ARIH1: variants seen among roughly 807,000 people sequenced by gnomAD.
ARIH1 encodes the protein ariadne RBR E3 ubiquitin protein ligase 1.
ARIH1 carries 8 observed loss-of-function variants against 85.0 expected under a neutral mutation model. That is an observed-to-expected ratio of 0.09 (90% confidence interval 0.06 to 0.17). ARIH1 has a LOEUF of 0.17. Among genes scored for constraint, ARIH1 ranks in the 10% least tolerant of loss-of-function variants. The pLI, the probability that ARIH1 is intolerant of heterozygous loss-of-function variation, is 1.00. For synonymous variants in ARIH1, 238 were observed against 253.6 expected (o/e 0.94, Z 0.59); for missense variants, 311 against 718.1 (o/e 0.43, Z 6.48).
At chr15:72,537,434 T>C (rs2064087453) in intron 2 of ARIH1, among the ~76,000 whole-genome samples, 1 of 152,140 alleles carries the variant, frequency 6.6e-6, no homozygotes, top group Non-Finnish European at 1.5e-5. Context: ...AAAATAGTGC[T>C]CCAAACCCTC....
chr15:72,549,562 C>T (rs1257609811), intron 3 of ARIH1, among the ~76,000 whole-genome samples: 1 of 152,124 alleles, frequency 6.6e-6, no homozygotes, highest in Non-Finnish European at 1.5e-5. Context: ...ATACCTACGT[C>T]CCACCCTATT....
chr15:72,509,707 AG>A (rs1228148952), intron 1 of ARIH1, among the ~76,000 whole-genome samples: 1 of 152,108 alleles, frequency 6.6e-6, no homozygotes, highest in Non-Finnish European at 1.5e-5. Flanking sequence ...TACTCACCTC[AG>A]TCTCTAGAGT....
At chr15:72,577,787 G>T (rs1316393696) in intron 11 of ARIH1, among the ~76,000 whole-genome samples, 2 of 152,186 alleles carry the variant, frequency 1.3e-5, no homozygotes, top group African/African-American at 4.8e-5. Flanking sequence ...TCAGGTGGCA[G>T]AGGTAGAGGA....
chr15:72,571,769 A>G (rs964497279), intron 10 of ARIH1, among the ~76,000 whole-genome samples: 3 of 152,230 alleles, frequency 2.0e-5, no homozygotes, highest in East Asian at 1.9e-4. Context: ...CAGACAGTCA[A>G]TAAAGGTTCT....
intron 2 of ARIH1, among the ~76,000 whole-genome samples, chr15:72,523,701 T>C (rs879745028): frequency 3.3e-5 from 5 of 152,126 alleles, no homozygotes; most frequent in Non-Finnish European, 7.4e-5. Context: ...TGTACCACTC[T>C]GTGTTGTTGA....
chr15:72,530,206 A>G (rs149878104), intron 2 of ARIH1, among the ~76,000 whole-genome samples: 231 of 152,340 alleles, frequency 1.5e-3, no homozygotes, highest in African/African-American at 5.4e-3. Context: ...ATACTGAAAC[A>G]TGTTTGAAAA....
At chr15:72,572,987 G>A (rs1595873488) in intron 11 of ARIH1, among the ~76,000 whole-genome samples, 1 of 152,054 alleles carries the variant, frequency 6.6e-6, no homozygotes, top group Non-Finnish European at 1.5e-5. Flanking sequence ...CTTTCAGTCT[G>A]GTGATTTTAT....
At chr15:72,574,491 C>T (rs1260889879) in intron 11 of ARIH1, among the ~76,000 whole-genome samples, 2 of 152,180 alleles carry the variant, frequency 1.3e-5, no homozygotes, top group African/African-American at 4.8e-5. Flanking sequence ...GACACATATT[C>T]AAAAGATCCT....
intron 2 of ARIH1, among the ~76,000 whole-genome samples, chr15:72,528,634 G>A (rs917300332): frequency 6.6e-5 from 10 of 152,026 alleles, no homozygotes; most frequent in Admixed American, 2.6e-4. Context: ...CAGGAAGATC[G>A]CTTGAGCGTA....
intron 1 of ARIH1, among the ~76,000 whole-genome samples, chr15:72,499,835 A>T (rs1351588160): frequency 6.6e-6 from 1 of 152,086 alleles, no homozygotes; most frequent in Non-Finnish European, 1.5e-5. Flanking sequence ...GGAGCCTCTG[A>T]TTCTTAGATA....
chr15:72,574,339 AT>A (rs1254802842), intron 11 of ARIH1, among the ~76,000 whole-genome samples: 1 of 152,168 alleles, frequency 6.6e-6, no homozygotes, highest in East Asian at 1.9e-4. Flanking sequence ...TGTTTGGTTG[AT>A]TGACTAATTG....
chr15:72,563,896 C>G (rs1375882831), intron 7 of ARIH1, among the ~76,000 whole-genome samples: 2 of 152,176 alleles, frequency 1.3e-5, no homozygotes, highest in Non-Finnish European at 2.9e-5. Flanking sequence ...TCCTTTTTAA[C>G]TAAGAGTTTT....
intron 2 of ARIH1, among the ~76,000 whole-genome samples, chr15:72,540,185 G>T (rs556187690): frequency 6.6e-6 from 1 of 151,134 alleles, no homozygotes; most frequent in African/African-American, 2.4e-5. Flanking sequence ...TTGAACCTGG[G>T]AGGCGGAGGT....
rs575811646 is a variant in ARIH1, at chr15:72,584,604, C to T, written c.*1312C>T. The stretch of plus-strand genomic sequence containing the variant: ...ATACCGAAATTGCTTGTGTGTGTTG[C>T]TGTGGGTTTGGTTTGAAGGCAAACA... On this transcript the variant is annotated 3_prime_UTR_variant, in exon 14 of 14. Transcript: ENST00000379887. The T allele has an allele frequency of 6.6e-6, 1 of 152,122 alleles. No homozygotes were observed. The highest frequency in any genetic ancestry group is 2.4e-5 in the African/African-American group (1 of 41,508). 9.4% of individuals were successfully genotyped at this position (152,122 alleles called of 1,614,324 possible). A position where few individuals can be genotyped will look rare whatever the true frequency, so the allele number is the denominator to read the frequency against.
At chr15:72,547,006 C>T (rs1471974770) in intron 3 of ARIH1, among the ~76,000 whole-genome samples, 1 of 151,806 alleles carries the variant, frequency 6.6e-6, no homozygotes, top group East Asian at 1.9e-4. Flanking sequence ...CGGCTCACTG[C>T]AAGCTCCGCC....
rs77391095 is a variant in ARIH1, at chr15:72,582,324, C to T, written c.1589+137C>T. The T allele has an allele frequency of 5.9e-4, 362 of 612,464 alleles. No individual in the cohort carries two copies. The African/African-American group carries it at 6.2e-3, about 10-fold the overall frequency. The allele number at this position is 612,464 out of a possible 1,614,324, so 37.9% of individuals were successfully genotyped here. On this transcript the variant is annotated intron_variant, in intron 13 of 13. Coordinates refer to ENST00000379887, the MANE Select transcript of ARIH1 (RefSeq NM_005744.5). The surrounding 1 kb of genome is among the most constrained non-coding windows in gnomAD (Gnocchi z 4.6). ...CATGTTTCTCACAGATTGCTTCTGT[C>T]CGTTGGGCACTAAATTGCAGGTAAT...
intron 1 of ARIH1, among the ~76,000 whole-genome samples, chr15:72,480,026 C>T (rs1262785096): frequency 6.6e-6 from 1 of 152,030 alleles, no homozygotes; most frequent in African/African-American, 2.4e-5. Context: ...CGCTACCATG[C>T]CTGGCTAATT....
chr15:72,474,843 T>C lies in ARIH1; in HGVS notation c.204T>C (p.Gly68=), dbSNP rs763633289. 2.9e-6 allele frequency: 4 copies of C among 1,377,770 alleles called. No individual in the cohort carries two copies. Among genetic ancestry groups the C allele is most frequent in the Non-Finnish European group, 1.9e-6 (2 of 1,067,218 alleles). 85.3% of individuals were successfully genotyped at this position (1,377,770 alleles called of 1,614,324 possible). Residue 68 remains glycine, a synonymous_variant, in exon 1 of 14, where the codon GGT becomes GGC. Coordinates refer to ENST00000379887, the MANE Select transcript of ARIH1 (RefSeq NM_005744.5). ...RDGLLCGETG[G]GGGSALGPGG... is the part of the protein sequence containing the mutation. ...GACTGCTGTGCGGGGAGACGGGCGGTGGCGGCGGCAGCGCTCTGGGGCCCG... is the reference window on the plus strand; with the variant it reads ...GACTGCTGTGCGGGGAGACGGGCGGCGGCGGCGGCAGCGCTCTGGGGCCCG...
chr15:72,531,504 G>C lies in ARIH1; in HGVS notation c.444-13316G>C, dbSNP rs549360484. ...GCTGGTCTCGAACTCCTGACCTCAG[G>C]TGATGTGCCTGCCTCAGCCTCCCAA... On this transcript the variant is annotated intron_variant, in intron 2 of 13. Transcript: ENST00000379887. Among the ~76,000 whole-genome samples, 98 of 152,232 alleles carry C rather than the reference G, an allele frequency of 6.4e-4. 2 individuals are homozygous for C. In the East Asian group the frequency reaches 7.7e-3, roughly 12 times the overall value.
Sources: gnomAD v4.1 joint callset for allele counts (sites outside exome capture counted in the v4.1 genomes callset) on GRCh38, gnomAD v4.1.1 for gene constraint, Gnocchi (gnomAD v3.1) non-coding constraint, MANE v1.5 for transcripts, NCBI Gene and HGNC (gene_info 2026-07-23, HGNC 2026-07-21) for gene names.